The following RPS6KC1 variants were observed in gnomAD, a reference collection of about 807,000 sequenced individuals.
RPS6KC1 encodes ribosomal protein S6 kinase C1, also known as inactive ribosomal protein S6 kinase delta-1.
A neutral mutation model predicts 103.8 loss-of-function variants in RPS6KC1; 54 were observed. That is an observed-to-expected ratio of 0.52 (90% confidence interval 0.42 to 0.65). RPS6KC1 has a LOEUF of 0.65. RPS6KC1 is among the 30% of genes least tolerant of loss of function. The probability of loss-of-function intolerance (pLI) is 0.00; values close to 1 mark genes in which losing one functional copy is unlikely to be tolerated. For synonymous variants in RPS6KC1, 439 were observed against 438.7 expected, an observed-to-expected ratio of 1.00 and a Z score of -0.01; for missense variants, 1,151 against 1,253.8, an observed-to-expected ratio of 0.92 and a Z score of 1.24.
the RPS6KC1 span, among the ~76,000 whole-genome samples, chr1:213,292,240 T>TA: frequency 0.013 from 1,718 of 134,902 alleles, 34 homozygotes; most frequent in African/African-American, 0.045. Flanking sequence ...CCCTAAAACT[T>TA]AAAGTATAAT....
chr1:213,113,517 C>A (rs1169035859), intron 4 of RPS6KC1, among the ~76,000 whole-genome samples: 1 of 150,338 alleles, frequency 6.7e-6, no homozygotes, highest in African/African-American at 2.5e-5. Context: ...GTTGCCTGTT[C>A]ACTCTGATGG....
At chr1:213,079,970 G>A (rs1008615169) in intron 3 of RPS6KC1, among the ~76,000 whole-genome samples, 1 of 143,890 alleles carries the variant, frequency 6.9e-6, no homozygotes, top group Admixed American at 7.1e-5. Context: ...AGACTGGAGT[G>A]CAGTGGCGTG....
At chr1:213,675,620 T>C in the RPS6KC1 span, among the ~76,000 whole-genome samples, 1 of 152,200 alleles carries the variant, frequency 6.6e-6, no homozygotes, top group Admixed American at 6.5e-5. Flanking sequence ...CTCACACCTG[T>C]AATCCCAGCA....
At chr1:213,443,563 C>A in the RPS6KC1 span, among the ~76,000 whole-genome samples, 3 of 152,046 alleles carry the variant, frequency 2.0e-5, no homozygotes, top group Non-Finnish European at 4.4e-5. Context: ...CTTGGGCATT[C>A]CTTTCCTGTG....
the RPS6KC1 span, among the ~76,000 whole-genome samples, chr1:213,338,251 C>T: frequency 1.3e-5 from 2 of 152,178 alleles, no homozygotes; most frequent in African/African-American, 4.8e-5. Flanking sequence ...TTCACTCCCC[C>T]TTATGTGATT....
the RPS6KC1 span, among the ~76,000 whole-genome samples, chr1:213,602,556 C>G: frequency 1.3e-5 from 2 of 151,974 alleles, no homozygotes; most frequent in Non-Finnish European, 2.9e-5. Context: ...ATAAAAATCT[C>G]TAAATTCAAT....
chr1:213,361,525 C>T, the RPS6KC1 span, among the ~76,000 whole-genome samples: 4 of 152,376 alleles, frequency 2.6e-5, no homozygotes, highest in East Asian at 5.8e-4. Flanking sequence ...GATGCCTCGC[C>T]CTCCTTTGGC....
At chr1:213,432,074 T>C in the RPS6KC1 span, among the ~76,000 whole-genome samples, 3 of 152,236 alleles carry the variant, frequency 2.0e-5, no homozygotes, top group African/African-American at 7.2e-5. Flanking sequence ...CATGTGTTTT[T>C]GAGAAGTGCC....
chr1:213,652,704 G>T, the RPS6KC1 span, among the ~76,000 whole-genome samples: 1 of 152,112 alleles, frequency 6.6e-6, no homozygotes, highest in Non-Finnish European at 1.5e-5. Context: ...TGCATGTGAG[G>T]CCACATGGAG....
At chr1:213,546,483 C>G in the RPS6KC1 span, 1 of 152,052 alleles carries the variant, frequency 6.6e-6, no homozygotes, top group Non-Finnish European at 1.5e-5. Flanking sequence ...GCATAGAGAC[C>G]CAATGTATCT....
intron 6 of RPS6KC1, among the ~76,000 whole-genome samples, chr1:213,154,790 T>G (rs1172767613): frequency 2.0e-5 from 3 of 152,188 alleles, no homozygotes; most frequent in African/African-American, 7.2e-5. Context: ...AAAGTCCCCT[T>G]TACTTTTCCC....
the RPS6KC1 span, among the ~76,000 whole-genome samples, chr1:213,767,234 C>T: frequency 6.6e-6 from 1 of 152,220 alleles, no homozygotes; most frequent in South Asian, 2.1e-4. Context: ...CTGGCTAATC[C>T]TGTCACTTAA....
At chr1:213,609,601 C>G in the RPS6KC1 span, among the ~76,000 whole-genome samples, 1 of 151,886 alleles carries the variant, frequency 6.6e-6, no homozygotes, top group African/African-American at 2.4e-5. Flanking sequence ...CCAGGGAATT[C>G]CAGGTGCTGG....
the RPS6KC1 span, among the ~76,000 whole-genome samples, chr1:213,594,461 T>C: frequency 6.6e-6 from 1 of 152,176 alleles, no homozygotes; most frequent in African/African-American, 2.4e-5. Flanking sequence ...TATGAGAAAA[T>C]TTAACATTAT....
chr1:213,458,854 T>A, the RPS6KC1 span, among the ~76,000 whole-genome samples: 8 of 152,334 alleles, frequency 5.3e-5, no homozygotes, highest in Non-Finnish European at 1.2e-4. Flanking sequence ...CTTTTCTGCA[T>A]CTATTGAGAT....
chr1:213,740,320 A>T, the RPS6KC1 span, among the ~76,000 whole-genome samples: 3 of 152,170 alleles, frequency 2.0e-5, no homozygotes, highest in Non-Finnish European at 4.4e-5. Flanking sequence ...TTGGCTGGTG[A>T]GTTAAAATTT....
chr1:213,239,973 ATTT>A (rs930208470), intron 10 of RPS6KC1, among the ~76,000 whole-genome samples: 1 of 151,960 alleles, frequency 6.6e-6, no homozygotes, highest in Non-Finnish European at 1.5e-5. Context: ...AAAATACTGG[ATTT>A]TTTTTATTTC....
chr1:213,846,979 A>G, the RPS6KC1 span, among the ~76,000 whole-genome samples: 2 of 152,152 alleles, frequency 1.3e-5, no homozygotes, highest in Non-Finnish European at 2.9e-5. Flanking sequence ...TGCTGTGTCC[A>G]TGTATAATTT....
chr1:213,285,345 T>G, the RPS6KC1 span, among the ~76,000 whole-genome samples: 1 of 151,998 alleles, frequency 6.6e-6, no homozygotes. Flanking sequence ...GCTGTCATAC[T>G]GGGGGGTAGG....
Sources: gnomAD v4.1 joint callset for allele counts (sites outside exome capture counted in the v4.1 genomes callset) on GRCh38, gnomAD v4.1.1 for gene constraint, MANE v1.5 for transcripts, NCBI Gene and HGNC (gene_info 2026-07-23, HGNC 2026-07-21) for gene names.